The following LIAS variants were observed in gnomAD, a reference collection of about 807,000 sequenced individuals.
LIAS encodes lipoyl synthase, mitochondrial.
In LIAS, 36 loss-of-function variants were observed where a neutral mutation model predicts 49.4. The ratio of observed to expected loss-of-function variants is 0.73; its 90% CI spans 0.56 to 0.96. LIAS has a LOEUF of 0.96. Among genes scored for constraint, LIAS ranks in the 40% least tolerant of loss-of-function variants. The pLI is 0.00. For missense variants in LIAS, 399 were observed against 456.3 expected (o/e 0.87, Z 1.14); for synonymous variants, 145 against 155.8 (o/e 0.93, Z 0.52).
chr4:39,465,618 A>C (rs1445719285), intron 6 of LIAS, among the ~76,000 whole-genome samples: 2 of 152,082 alleles, frequency 1.3e-5, no homozygotes, highest in Non-Finnish European at 2.9e-5. Flanking sequence ...ATTAGTCTAA[A>C]CTTTGAATAA....
chr4:39,473,962 A>G (rs1578245800), intron 10 of LIAS: 1 of 152,276 alleles, frequency 6.6e-6, no homozygotes, highest in Non-Finnish European at 1.5e-5. Context: ...AACAATTATA[A>G]TGATTAAGAA....
chr4:39,472,550 G>A (rs941598864), intron 9 of LIAS, among the ~76,000 whole-genome samples: 9 of 152,178 alleles, frequency 5.9e-5, no homozygotes, highest in Non-Finnish European at 1.2e-4. Context: ...TTGGGAAATG[G>A]CACTCATTTA....
At chr4:39,467,694 A>G (rs781264420) in intron 7 of LIAS, 48 bp downstream of exon 7, 1 of 1,428,710 alleles carries the variant, frequency 7.0e-7, no homozygotes, top group Non-Finnish European at 9.3e-7. Context: ...GGGTCAAAAT[A>G]TGCCATATAT....
intron 4 of LIAS, 95 bp from the exon 5 acceptor site, chr4:39,464,951 T>A (rs1744700058): frequency 6.4e-6 from 6 of 938,098 alleles, no homozygotes; most frequent in Non-Finnish European, 9.7e-6. Flanking sequence ...AGAACCAAAC[T>A]GTATGCATTC....
intron 9 of LIAS, 23 bp from the exon 10 acceptor site, chr4:39,473,077 C>G: frequency 7.5e-7 from 1 of 1,337,552 alleles, no homozygotes; most frequent in East Asian, 2.3e-5. Context: ...AAAATCTGAT[C>G]AGAAGTAATT....
intron 6 of LIAS, 156 bp from the exon 7 acceptor site, chr4:39,467,362 T>G: frequency 1.8e-6 from 1 of 550,436 alleles, no homozygotes; most frequent in Non-Finnish European, 2.9e-6. Context: ...TTAATAATGG[T>G]TCATGTATGA....
At chr4:39,459,651 C>CACTATGAGA (rs1744342435) in intron 1 of LIAS, among the ~76,000 whole-genome samples, 1 of 152,230 alleles carries the variant, frequency 6.6e-6, no homozygotes, top group Admixed American at 6.5e-5. Flanking sequence ...AGTGTTTTGG[C>CACTATGAGA]TATCTCATAC....
chr4:39,460,935 G>GAA lies in LIAS; in HGVS notation c.193_194dup (p.Asn65LysfsTer3). 4 of 1,600,334 alleles carry GAA rather than the reference G, an allele frequency of 2.5e-6. No individual in the cohort carries two copies. The highest frequency in any genetic ancestry group is 3.4e-6 in the Non-Finnish European group (4 of 1,175,494). On this transcript the variant is annotated frameshift_variant, in exon 2 of 11. Transcript: ENST00000640888. LOFTEE classifies it high-confidence loss of function. ...AGGAGCACCTGGGATGAATATAAAGGAAACCTAAAACGCCAGAAAGGAGAA... is the reference window on the plus strand; with the variant it reads ...AGGAGCACCTGGGATGAATATAAAGGAAAAACCTAAAACGCCAGAAAGGAGAA...
At chr4:39,467,302 T>G (rs1243049769) in intron 6 of LIAS, 2 of 293,574 alleles carry the variant, frequency 6.8e-6, no homozygotes, top group Admixed American at 5.0e-5. Flanking sequence ...TGCCTACAGG[T>G]GTGTTTTAAC....
rs377039493 is a variant in LIAS, at chr4:39,471,211, G to A, written c.884-25G>A. ...ATCTACAATTAAAGTATTTGCTAAT[G>A]TAATTTGTGCTTTTCTTCCTACAGC... is the stretch of plus-strand genomic sequence containing the variant. On this transcript the variant is annotated intron_variant, in intron 8 of 10. Coordinates refer to ENST00000640888, the MANE Select transcript of LIAS (RefSeq NM_006859.4). 5.5e-5 allele frequency: 86 copies of A among 1,555,478 alleles called. No homozygotes were observed. The African/African-American group carries it at 1.1e-3, about 19-fold the overall frequency.
intron 7 of LIAS, 173 bp from the exon 8 acceptor site, chr4:39,469,846 T>C: frequency 2.1e-6 from 1 of 476,842 alleles, no homozygotes; most frequent in Non-Finnish European, 3.6e-6. Flanking sequence ...GGGAGCCCAG[T>C]GAGGCCTTTT....
chr4:39,463,468 C>A, intron 3 of LIAS, 57 bp from the exon 4 acceptor site: 1 of 1,482,634 alleles, frequency 6.7e-7, no homozygotes, highest in Non-Finnish European at 9.0e-7. Flanking sequence ...CAGTCACCAA[C>A]TGTTTAGTTG....
chr4:39,474,155 C>T (rs907886844), intron 10 of LIAS, among the ~76,000 whole-genome samples: 10 of 150,278 alleles, frequency 6.7e-5, no homozygotes, highest in African/African-American at 2.2e-4. Flanking sequence ...CCCAGCTACT[C>T]GGGAGGCTGA....
intron 10 of LIAS, 28 bp from the exon 11 acceptor site, chr4:39,477,035 T>A (rs113724066): frequency 1.4e-6 from 2 of 1,404,276 alleles, no homozygotes; most frequent in East Asian, 4.7e-5. Flanking sequence ...TAAATTGATA[T>A]TAATGTGTTT....
chr4:39,471,403 G>A lies in LIAS; in HGVS notation c.954+97G>A, dbSNP rs567183103. The A allele has an allele frequency of 3.3e-5, 29 of 870,796 alleles. 1 individual carries two copies. Among genetic ancestry groups the A allele is most frequent in the Admixed American group, 9.3e-5 (4 of 43,238 alleles). The allele number at this position is 870,796 out of a possible 1,614,324, so 53.9% of individuals were successfully genotyped here. A position where few individuals can be genotyped will look rare whatever the true frequency, so the allele number is the denominator to read the frequency against. On this transcript the variant is annotated intron_variant, in intron 9 of 10. Coordinates refer to ENST00000640888, the MANE Select transcript of LIAS (RefSeq NM_006859.4). ...AGCTGGAGTGTAGTGGCACAATCTC[G>A]GCTCACTGTAATCTCTGCTTCCTGG...
intron 9 of LIAS, among the ~76,000 whole-genome samples, chr4:39,472,097 G>A (rs573177546): frequency 2.0e-5 from 3 of 148,560 alleles, no homozygotes; most frequent in South Asian, 2.1e-4. Flanking sequence ...ATGTGTGTGT[G>A]TATATCTGTA....
At chr4:39,469,624 G>C (rs1744901958) in intron 7 of LIAS, 1 of 159,956 alleles carries the variant, frequency 6.3e-6, no homozygotes, top group African/African-American at 2.4e-5. Context: ...GGGCAGCTTA[G>C]TCTTCAGAAA....
rs553110956 is a variant in LIAS at position 39,459,144 on chromosome 4, C to T, written c.27C>T (p.Ala9=). 1.9e-6 allele frequency: 3 copies of T among 1,613,706 alleles called. No individual in the cohort carries two copies. The highest frequency in any genetic ancestry group is 1.7e-5 in the Admixed American group (1 of 60,026). The part of the protein sequence containing the change: MSLRCGDA[A]RTLGPRVFGR... Reference sequence around the variant, plus strand: ...TGTCTCTACGCTGCGGGGATGCAGCCCGCACCCTGGGGCCCCGGGTGAGCG... The same window carrying T: ...TGTCTCTACGCTGCGGGGATGCAGCTCGCACCCTGGGGCCCCGGGTGAGCG... The change falls in exon 1 of 11, where the codon GCC becomes GCT. Residue 9 remains alanine, a synonymous_variant. Coordinates refer to ENST00000640888, the MANE Select transcript of LIAS (RefSeq NM_006859.4).
chr4:39,474,337 C>A (rs1272200090), intron 10 of LIAS, among the ~76,000 whole-genome samples: 7 of 151,062 alleles, frequency 4.6e-5, no homozygotes, highest in Non-Finnish European at 8.8e-5. Flanking sequence ...CTTTGGAAGG[C>A]AGTTGGATTA....
Sources: allele counts gnomAD v4.1 joint callset (sites outside exome capture counted in the v4.1 genomes callset), GRCh38; gene constraint gnomAD v4.1.1; transcripts MANE v1.5; gene names NCBI Gene and HGNC (gene_info 2026-07-23, HGNC 2026-07-21).